STX6: variants seen among roughly 807,000 people sequenced by gnomAD.
STX6 encodes syntaxin 6, also known as syntaxin-6.
A neutral mutation model predicts 38.0 loss-of-function variants in STX6; 23 were observed. The observed-to-expected ratio is 0.60, with a 90% CI of 0.43 to 0.86. STX6 has a LOEUF of 0.86. Ranked by LOEUF, STX6 falls within the 40% of genes least tolerant of loss-of-function variation. The pLI is 0.00. For missense variants in STX6, 274 were observed against 312.9 expected (o/e 0.88, Z 0.94); for synonymous variants, 123 against 107.5 (o/e 1.14, Z -0.89).
At chr1:181,002,502 A>T in intron 3 of STX6, 104 bp downstream of exon 3, 1 of 725,392 alleles carries the variant, frequency 1.4e-6, no homozygotes, top group Non-Finnish European at 2.3e-6. Context: ...TCATATTTAA[A>T]AAGTGGTTTC....
chr1:180,979,448 G>C (rs1655341988), intron 7 of STX6, among the ~76,000 whole-genome samples: 1 of 152,222 alleles, frequency 6.6e-6, no homozygotes, highest in African/African-American at 2.4e-5. Flanking sequence ...AGAGCAAAGA[G>C]AGTCTTTTCA....
At chr1:181,004,335 G>T (rs1049460754) in intron 2 of STX6, among the ~76,000 whole-genome samples, 1 of 152,208 alleles carries the variant, frequency 6.6e-6, no homozygotes, top group African/African-American at 2.4e-5. Flanking sequence ...ATGGCTGGGG[G>T]TTTCTAGATA....
In STX6 at chr1:180,988,220, G is replaced by A. The variant is rs765644496; in HGVS notation, c.596+19C>T. The stretch of plus-strand genomic sequence containing the variant: ...GCCCCTCAATTTCACTGAAGCGAGA[G>A]GGGTGTCTCAATACTCACACTGCCT... On this transcript the variant is annotated intron_variant, in intron 6 of 7. Transcript: ENST00000258301. The A allele has an allele frequency of 1.9e-6, 3 of 1,587,002 alleles. No homozygotes were observed. The highest frequency in any genetic ancestry group is 1.1e-5 in the South Asian group (1 of 90,474).
At chr1:181,005,092 G>T in intron 2 of STX6, 1 of 362,092 alleles carries the variant, frequency 2.8e-6, no homozygotes, top group Non-Finnish European at 3.8e-6. Context: ...TATAGTACAG[G>T]ATTTGTCACA....
chr1:181,003,635 C>T (rs1270620729), intron 2 of STX6, among the ~76,000 whole-genome samples: 3 of 152,172 alleles, frequency 2.0e-5, no homozygotes, highest in Non-Finnish European at 4.4e-5. Flanking sequence ...CAACTGCATA[C>T]GAACCTGTGC....
intron 7 of STX6, among the ~76,000 whole-genome samples, chr1:180,983,866 C>T (rs1655483093): frequency 6.6e-6 from 1 of 151,394 alleles, no homozygotes; most frequent in South Asian, 2.1e-4. Flanking sequence ...AGATCGAGAC[C>T]ATCCTGGCTA....
rs544241340 is a variant in STX6 at position 181,002,587 on chromosome 1, A to T, written c.300+19T>A. 3.8e-6 allele frequency: 6 copies of T among 1,567,122 alleles called. No individual in the cohort carries two copies. The African/African-American group carries it at 6.8e-5, about 18-fold the overall frequency. ...GGCTATTTCTTATACAGATAACACA[A>T]TAAGATCATATTCCTTACCCTGACA... On this transcript the variant is annotated intron_variant, in intron 3 of 7. Transcript: ENST00000258301.
At chr1:181,017,611 C>G (rs1423850557) in intron 1 of STX6, among the ~76,000 whole-genome samples, 1 of 152,072 alleles carries the variant, frequency 6.6e-6, no homozygotes, top group Non-Finnish European at 1.5e-5. Flanking sequence ...AAAAACTTGC[C>G]AACAAGGGAG....
chr1:180,982,284 T>G (rs1163041218), intron 7 of STX6, among the ~76,000 whole-genome samples: 1 of 152,156 alleles, frequency 6.6e-6, no homozygotes, highest in South Asian at 2.1e-4. Context: ...GAATACAAAT[T>G]GCTTGTTTGT....
At chr1:180,991,300 G>A (rs1655751579) in intron 4 of STX6, among the ~76,000 whole-genome samples, 2 of 152,214 alleles carry the variant, frequency 1.3e-5, no homozygotes, top group South Asian at 4.1e-4. Context: ...TGTCTCTGGT[G>A]TAAAGCAGAT....
At chr1:181,018,717 T>C (rs1280227409) in intron 1 of STX6, among the ~76,000 whole-genome samples, 1 of 152,178 alleles carries the variant, frequency 6.6e-6, no homozygotes, top group African/African-American at 2.4e-5. Flanking sequence ...AACCACTGCA[T>C]GTATAAGTTA....
intron 1 of STX6, among the ~76,000 whole-genome samples, chr1:181,010,427 G>A (rs891754613): frequency 2.5e-4 from 38 of 151,864 alleles, no homozygotes; most frequent in Middle Eastern, 3.4e-3. Context: ...TCAGCCTCCC[G>A]AGTAGCTGAT....
Position 181,022,701 on chromosome 1 carries a change from T to A in STX6, c.-28A>T, listed in dbSNP as rs111761729. ...CGTCCCGGCCCCGGCCGCCTTCACC[T>A]CCTCCGCGCACAGGGCGCCCGTGCC... On this transcript the variant is annotated 5_prime_UTR_variant, in exon 1 of 8. Transcript: ENST00000258301. 2 of 1,597,594 alleles carry A rather than the reference T, an allele frequency of 1.3e-6. No homozygotes were observed. The highest frequency in any genetic ancestry group is 1.7e-6 in the Non-Finnish European group (2 of 1,173,610).
At chr1:181,009,748 A>C (rs774039254) in intron 1 of STX6, among the ~76,000 whole-genome samples, 1 of 152,216 alleles carries the variant, frequency 6.6e-6, no homozygotes, top group Non-Finnish European at 1.5e-5. Context: ...TCTTGAACAT[A>C]TATTTACCAT....
chr1:180,985,367 C>T (rs913058393), intron 6 of STX6, among the ~76,000 whole-genome samples: 3 of 152,192 alleles, frequency 2.0e-5, no homozygotes, highest in African/African-American at 7.2e-5. Flanking sequence ...ATAGGGCAAT[C>T]CTATCAGCTC....
intron 7 of STX6, 35 bp downstream of exon 7, chr1:180,984,642 A>C (rs974892104): frequency 2.1e-6 from 2 of 944,200 alleles, no homozygotes; most frequent in Non-Finnish European, 3.4e-6. Flanking sequence ...TCTAGAATTA[A>C]GTACAAATGC....
At chr1:180,985,500 A>G (rs540477125) in intron 6 of STX6, among the ~76,000 whole-genome samples, 2 of 152,348 alleles carry the variant, frequency 1.3e-5, no homozygotes, top group South Asian at 4.1e-4. Flanking sequence ...CTTTATTATA[A>G]ACCCAGAAGG....
At chr1:180,980,907 C>G (rs1655394963) in intron 7 of STX6, among the ~76,000 whole-genome samples, 1 of 152,090 alleles carries the variant, frequency 6.6e-6, no homozygotes, top group Non-Finnish European at 1.5e-5. Flanking sequence ...ATGCACACTG[C>G]TAAGTGAGAG....
chr1:181,018,066 G>A (rs1656614684), intron 1 of STX6, among the ~76,000 whole-genome samples: 3 of 152,028 alleles, frequency 2.0e-5, no homozygotes, highest in Admixed American at 2.0e-4. Context: ...GAAGTCTGAA[G>A]GATATAAAGA....
Sources: allele counts gnomAD v4.1 joint callset (sites outside exome capture counted in the v4.1 genomes callset), GRCh38; gene constraint gnomAD v4.1.1; transcripts MANE v1.5; gene names NCBI Gene and HGNC (gene_info 2026-07-23, HGNC 2026-07-21).